KIAA1217: variants seen among roughly 807,000 people sequenced by gnomAD.
KIAA1217 encodes sickle tail protein homolog.
KIAA1217 carries 88 observed loss-of-function variants against 163.9 expected under a neutral mutation model. That is an observed-to-expected ratio of 0.54 (90% CI 0.45 to 0.64). The LOEUF is 0.64. KIAA1217 is among the 30% of genes least tolerant of loss of function. The pLI is 0.00. For synonymous variants in KIAA1217, 903 were observed against 923.1 expected (o/e 0.98, Z 0.39); for missense variants, 2,372 against 2,475.0 (o/e 0.96, Z 0.88).
At chr10:23,796,340 C>CTTATTATTTAT (rs1554796756) in intron 1 of KIAA1217, among the ~76,000 whole-genome samples, 1 of 148,378 alleles carries the variant, frequency 6.7e-6, no homozygotes, top group African/African-American at 2.5e-5. Context: ...CGAGAGACTG[C>CTTATTATTTAT]TTATTTATTT....
chr10:24,026,922 G>A (rs1847979706), intron 2 of KIAA1217, among the ~76,000 whole-genome samples: 1 of 151,540 alleles, frequency 6.6e-6, no homozygotes, highest in South Asian at 2.1e-4. Flanking sequence ...CTTTAAGCAT[G>A]CTTTAGTAAC....
chr10:24,277,620 T>C (rs551197633), intron 2 of KIAA1217, among the ~76,000 whole-genome samples: 2 of 152,312 alleles, frequency 1.3e-5, no homozygotes, highest in East Asian at 3.9e-4. Flanking sequence ...TGAAAGCTGA[T>C]GGTTTTATAA....
chr10:23,930,583 G>T (rs891337051), intron 1 of KIAA1217, among the ~76,000 whole-genome samples: 3 of 152,162 alleles, frequency 2.0e-5, no homozygotes, highest in African/African-American at 7.2e-5. Flanking sequence ...AATTGGCAGG[G>T]CCTTTCAGAA....
chr10:23,952,674 T>C (rs979074691), intron 1 of KIAA1217, among the ~76,000 whole-genome samples: 6 of 152,240 alleles, frequency 3.9e-5, no homozygotes, highest in African/African-American at 1.2e-4. Flanking sequence ...TCCTAACCTG[T>C]AAAATGGGAA....
chr10:24,102,531 A>G (rs1460163948), intron 2 of KIAA1217, among the ~76,000 whole-genome samples: 1 of 152,214 alleles, frequency 6.6e-6, no homozygotes, highest in Non-Finnish European at 1.5e-5. Context: ...ATGAATATCA[A>G]TAAACTGATT....
intron 1 of KIAA1217, among the ~76,000 whole-genome samples, chr10:23,795,604 A>G (rs1329151730): frequency 6.6e-6 from 1 of 152,208 alleles, no homozygotes; most frequent in Non-Finnish European, 1.5e-5. Context: ...GGATATCTTG[A>G]AGTAAGGACT....
chr10:24,312,420 A>C (rs111714206), intron 2 of KIAA1217, among the ~76,000 whole-genome samples: 14,593 of 152,246 alleles, frequency 0.096, 742 homozygotes, highest in African/African-American at 0.13. Flanking sequence ...GTTCGAGATC[A>C]GCCTGGGCAA....
At chr10:24,408,877 A>G (rs989726501) in intron 3 of KIAA1217, among the ~76,000 whole-genome samples, 1 of 151,818 alleles carries the variant, frequency 6.6e-6, no homozygotes, top group Non-Finnish European at 1.5e-5. Context: ...GTATACGCTC[A>G]TTCTTAAACT....
chr10:24,404,685 A>G (rs1228159006), intron 3 of KIAA1217, among the ~76,000 whole-genome samples: 2 of 152,064 alleles, frequency 1.3e-5, no homozygotes, highest in African/African-American at 2.4e-5. Context: ...AAACTTGTAC[A>G]TGAATATTAC....
At chr10:23,874,736 A>C (rs556604107) in intron 1 of KIAA1217, among the ~76,000 whole-genome samples, 1 of 152,144 alleles carries the variant, frequency 6.6e-6, no homozygotes, top group East Asian at 1.9e-4. Flanking sequence ...AATTAAGAAC[A>C]ACTAATCTTC....
At chr10:23,760,546 T>C (rs1564397721) in intron 1 of KIAA1217, among the ~76,000 whole-genome samples, 1 of 152,198 alleles carries the variant, frequency 6.6e-6, no homozygotes. Context: ...TCTGTTTCAG[T>C]GTTCAAAGTG....
chr10:24,294,855 G>T (rs1201940068), intron 2 of KIAA1217, among the ~76,000 whole-genome samples: 1 of 152,168 alleles, frequency 6.6e-6, no homozygotes, highest in East Asian at 1.9e-4. Context: ...CATTGCCAGG[G>T]TGTCAAATCA....
At chr10:24,168,473 C>G (rs1016347570) in intron 2 of KIAA1217, among the ~76,000 whole-genome samples, 3 of 152,216 alleles carry the variant, frequency 2.0e-5, no homozygotes, top group Admixed American at 2.0e-4. Flanking sequence ...AGAACATTTC[C>G]TCTGTGCTAT....
chr10:23,815,793 C>T (rs752830985), intron 1 of KIAA1217, among the ~76,000 whole-genome samples: 5 of 152,090 alleles, frequency 3.3e-5, no homozygotes, highest in Non-Finnish European at 5.9e-5. Flanking sequence ...TGTTATTGTC[C>T]CAAGGTAAAT....
At chr10:23,958,248 A>G (rs1310146090) in intron 1 of KIAA1217, among the ~76,000 whole-genome samples, 1 of 152,210 alleles carries the variant, frequency 6.6e-6, no homozygotes, top group Non-Finnish European at 1.5e-5. Context: ...AATGGTGAGA[A>G]GTCAAATCCA....
intron 3 of KIAA1217, among the ~76,000 whole-genome samples, chr10:24,381,991 T>A (rs1160212975): frequency 2.6e-5 from 4 of 152,148 alleles, no homozygotes; most frequent in African/African-American, 9.7e-5. Flanking sequence ...AAGGATTCTT[T>A]TTATGATTTT....
At chr10:24,219,572 T>C (rs2069304789) in intron 1 of KIAA1217, 54 bp from the exon 2 acceptor site, 1 of 1,444,986 alleles carries the variant, frequency 6.9e-7, no homozygotes, top group Non-Finnish European at 9.3e-7. Context: ...GTTCTGCAAA[T>C]GAGACTTCTA....
chr10:24,277,018 C>T (rs2132104288), intron 2 of KIAA1217, among the ~76,000 whole-genome samples: 1 of 152,282 alleles, frequency 6.6e-6, no homozygotes, highest in Admixed American at 6.5e-5. Flanking sequence ...CTCGGCCTCC[C>T]AAAGCTCTAT....
At chr10:23,750,150 A>G (rs555960143) in intron 1 of KIAA1217, among the ~76,000 whole-genome samples, 4 of 152,266 alleles carry the variant, frequency 2.6e-5, no homozygotes, top group Admixed American at 6.5e-5. Flanking sequence ...CCAGATATCT[A>G]TTCTTAATTC....
Sources: gnomAD v4.1 joint callset for allele counts (sites outside exome capture counted in the v4.1 genomes callset) on GRCh38, gnomAD v4.1.1 for gene constraint, MANE v1.5 for transcripts, NCBI Gene and HGNC (gene_info 2026-07-23, HGNC 2026-07-21) for gene names.